Variants in MAP4K3 observed in about 807,000 individuals in gnomAD.
MAP4K3 encodes the protein mitogen-activated protein kinase kinase kinase kinase 3, also known as MAPK/ERK kinase kinase kinase 3.
MAP4K3 carries 94 observed loss-of-function variants against 143.5 expected under a neutral mutation model. The ratio of observed to expected loss-of-function variants is 0.65; its 90% confidence interval spans 0.55 to 0.78. The LOEUF (loss-of-function observed/expected upper bound fraction) is 0.78. Among genes scored for constraint, MAP4K3 ranks in the 30% least tolerant of loss-of-function variants. The pLI is 0.00. For synonymous variants in MAP4K3, 416 were observed against 347.2 expected, an observed-to-expected ratio of 1.20 and a Z score of -2.20; for missense variants, 1,077 against 1,068.1, an observed-to-expected ratio of 1.01 and a Z score of -0.12.
At chr2:39,258,674 A>C in intron 29 of MAP4K3, 87 bp from the exon 30 acceptor site, 1 of 950,224 alleles carries the variant, frequency 1.1e-6, no homozygotes, top group East Asian at 2.4e-5. Context: ...TCTGAGGATA[A>C]CAATACTTGA....
At chr2:39,266,601 G>A (rs1466561820) in intron 27 of MAP4K3, among the ~76,000 whole-genome samples, 1 of 152,056 alleles carries the variant, frequency 6.6e-6, no homozygotes, top group Non-Finnish European at 1.5e-5. Context: ...TGGCCCAAAT[G>A]CCACCTTCTT....
At chr2:39,419,155 G>T (rs1045773672) in intron 1 of MAP4K3, among the ~76,000 whole-genome samples, 2 of 151,820 alleles carry the variant, frequency 1.3e-5, no homozygotes, top group African/African-American at 4.8e-5. Context: ...AACTTAAAAA[G>T]ATAAGTTTAA....
intron 21 of MAP4K3, among the ~76,000 whole-genome samples, chr2:39,286,408 C>T (rs1489813058): frequency 1.3e-5 from 2 of 152,164 alleles, no homozygotes; most frequent in African/African-American, 4.8e-5. Context: ...GTTAGGGACC[C>T]CTGATCTATA....
intron 28 of MAP4K3, chr2:39,261,221 G>A (rs1680554191): frequency 6.5e-6 from 1 of 152,778 alleles, no homozygotes; most frequent in African/African-American, 2.4e-5. Flanking sequence ...CACTCCTCTT[G>A]TAAGATGTGA....
intron 20 of MAP4K3, 123 bp from the exon 21 acceptor site, chr2:39,287,087 C>A: frequency 3.6e-6 from 2 of 548,298 alleles, no homozygotes; most frequent in Non-Finnish European, 6.3e-6. Context: ...TTGGGATCAC[C>A]CAATCAGAAT....
At chr2:39,258,233 T>C in intron 31 of MAP4K3, 115 bp downstream of exon 31, 1 of 800,548 alleles carries the variant, frequency 1.2e-6, no homozygotes. Context: ...TGCCCAGCCA[T>C]ATCCTTTATT....
intron 15 of MAP4K3, among the ~76,000 whole-genome samples, chr2:39,307,732 A>C (rs1261527878): frequency 6.6e-6 from 1 of 152,054 alleles, no homozygotes; most frequent in Non-Finnish European, 1.5e-5. Flanking sequence ...AAAAAATACA[A>C]GCATGTTTAT....
chr2:39,355,902 T>C (rs1430077649), intron 3 of MAP4K3, among the ~76,000 whole-genome samples: 1 of 152,144 alleles, frequency 6.6e-6, no homozygotes, highest in African/African-American at 2.4e-5. Flanking sequence ...GATAAACACA[T>C]AGCTGGAAGA....
chr2:39,420,709 G>A (rs1248924348), intron 1 of MAP4K3, among the ~76,000 whole-genome samples: 5 of 151,950 alleles, frequency 3.3e-5, no homozygotes, highest in East Asian at 1.9e-4. Flanking sequence ...CATCATGCCC[G>A]GCCGCCATGA....
rs1417124269 is a variant in MAP4K3 at position 39,250,092 on chromosome 2, C to G, written c.*526G>C. The G allele has an allele frequency of 6.6e-6, 1 of 152,448 alleles. No homozygotes were observed. Among genetic ancestry groups the G allele is most frequent in the Non-Finnish European group, 1.5e-5 (1 of 67,988 alleles). 9.4% of individuals were successfully genotyped at this position (152,448 alleles called of 1,614,324 possible). A position where few individuals can be genotyped will look rare whatever the true frequency, so the allele number is the denominator to read the frequency against. On this transcript the variant is annotated 3_prime_UTR_variant, in exon 34 of 34. Transcript: ENST00000263881. ...TAAAAAGATTATAAAATGATTACAG[C>G]CTCCATTACAATTTTAAAAGTTACA... is the stretch of plus-strand genomic sequence containing the variant.
In MAP4K3 at chr2:39,272,478, T is replaced by G; in HGVS notation, c.1855+4A>C. 6.2e-7 allele frequency: 1 copy of G among 1,609,970 alleles called. No homozygotes were observed. Among genetic ancestry groups the G allele is most frequent in the African/African-American group, 1.3e-5 (1 of 74,890 alleles). ...GTAAGGTATTTAAAAACTAATATAC[T>G]TACCAGATATTGATAGCAAGCAATT... On this transcript the variant is annotated splice_donor_region_variant and intron_variant, in intron 25 of 33. Coordinates refer to ENST00000263881, the MANE Select transcript of MAP4K3 (RefSeq NM_003618.4).
intron 1 of MAP4K3, among the ~76,000 whole-genome samples, chr2:39,409,947 G>A (rs540274193): frequency 2.0e-4 from 31 of 152,210 alleles, no homozygotes; most frequent in African/African-American, 7.2e-4. Flanking sequence ...TTCCAATGAT[G>A]GAATGAAAAT....
chr2:39,336,437 A>G (rs575088447), intron 6 of MAP4K3, among the ~76,000 whole-genome samples: 1 of 128,990 alleles, frequency 7.8e-6, no homozygotes, highest in African/African-American at 2.9e-5. Context: ...GTGCCACTGC[A>G]CTCTAGCCTG....
In MAP4K3 at chr2:39,391,793, T is replaced by A. The variant is rs565665373; in HGVS notation, c.97-13670A>T. Among the ~76,000 whole-genome samples the A allele has an allele frequency of 9.3e-4, 142 of 152,232 alleles. 1 individual carries two copies. The highest frequency in any genetic ancestry group is 3.1e-3 in the African/African-American group (127 of 41,524). ...GTGTAAACACTCCCACCAAGGCAGA[T>A]CACAACCTACCAACCTGGCATTTCT... On this transcript the variant is annotated intron_variant, in intron 1 of 33. Transcript: ENST00000263881.
intron 4 of MAP4K3, among the ~76,000 whole-genome samples, chr2:39,338,887 C>T (rs1398588394): frequency 6.6e-6 from 1 of 152,198 alleles, no homozygotes; most frequent in Non-Finnish European, 1.5e-5. Context: ...CCTGTTGGCA[C>T]CTTGATCTTG....
chr2:39,354,353 G>T (rs1488668944), intron 3 of MAP4K3, among the ~76,000 whole-genome samples: 4 of 152,184 alleles, frequency 2.6e-5, no homozygotes, highest in African/African-American at 9.7e-5. Flanking sequence ...TGAGGCAGGA[G>T]AATGGCTTGA....
rs1441624708 is a variant in MAP4K3 at position 39,331,992 on chromosome 2, A to G, written c.458-3T>C. ...CTGTGCAGATACTCCAAAATCAGCT[A>G]TTAAAAAAAATGAGAAACATTTAGG... On this transcript the variant is annotated splice_polypyrimidine_tract_variant and splice_region_variant and intron_variant, in intron 7 of 33. Coordinates refer to ENST00000263881, the MANE Select transcript of MAP4K3 (RefSeq NM_003618.4). The G allele has an allele frequency of 2.7e-6, 4 of 1,503,254 alleles. No individual in the cohort carries two copies. Among genetic ancestry groups the G allele is most frequent in the Non-Finnish European group, 2.7e-6 (3 of 1,109,532 alleles). 93.1% of individuals were successfully genotyped at this position (1,503,254 alleles called of 1,614,324 possible).
intron 1 of MAP4K3, among the ~76,000 whole-genome samples, chr2:39,418,059 T>C (rs1009645382): frequency 6.6e-6 from 1 of 151,928 alleles, no homozygotes; most frequent in African/African-American, 2.4e-5. Context: ...AAAAATTAGC[T>C]GGATGTGGTG....
At chr2:39,407,111 C>T (rs1332082810) in intron 1 of MAP4K3, among the ~76,000 whole-genome samples, 1 of 151,738 alleles carries the variant, frequency 6.6e-6, no homozygotes, top group Non-Finnish European at 1.5e-5. Flanking sequence ...ATTAACAGAC[C>T]AAAAATGAAC....
Sources: allele counts gnomAD v4.1 joint callset (sites outside exome capture counted in the v4.1 genomes callset), GRCh38; gene constraint gnomAD v4.1.1; transcripts MANE v1.5; gene names NCBI Gene and HGNC (gene_info 2026-07-23, HGNC 2026-07-21).